ARHGDIA: variants seen among roughly 807,000 people sequenced by gnomAD.
The protein encoded by ARHGDIA is Rho GDP dissociation inhibitor alpha.
ARHGDIA carries 9 observed loss-of-function variants against 25.0 expected under a neutral mutation model. The observed-to-expected ratio is 0.36, with a 90% CI of 0.22 to 0.63. The LOEUF (loss-of-function observed/expected upper bound fraction) is 0.63. ARHGDIA is among the 20% of genes least tolerant of loss of function. The pLI is 0.69. For missense variants in ARHGDIA, 239 were observed against 264.3 expected, an observed-to-expected ratio of 0.90 and a Z score of 0.66; for synonymous variants, 166 against 111.5, an observed-to-expected ratio of 1.49 and a Z score of -3.08.
At chr17:81,869,463 C>T in intron 3 of ARHGDIA, 57 bp from the exon 4 acceptor site, 1 of 1,612,254 alleles carries the variant, frequency 6.2e-7, no homozygotes. Context: ...GAAGCCCCAG[C>T]CCTGCGCGGC....
rs756496364 is a variant in ARHGDIA at position 81,869,011 on chromosome 17, G to T, written c.480C>A (p.Thr160=). Residue 160 remains threonine, a synonymous_variant, in exon 6 of 6, where the codon ACC becomes ACA. Coordinates refer to ENST00000269321, the MANE Select transcript of ARHGDIA (RefSeq NM_004309.6). ...GPRAEEYEFL[T]PVEEAPKGML... is the part of the protein sequence containing the mutation. ...TACCCTTGGGTGCCTCCTCCACGGG[G>T]GTCAGGAACTCGTACTCCTCGGCCC... 5.0e-6 allele frequency: 8 copies of T among 1,613,702 alleles called. No individual in the cohort carries two copies. Among genetic ancestry groups the T allele is most frequent in the Middle Eastern group, 3.3e-4 (2 of 6,062 alleles).
rs561887970 is a variant in ARHGDIA at position 81,868,213 on chromosome 17, G to C, written c.*663C>G. 45 of 776,524 alleles carry C rather than the reference G, an allele frequency of 5.8e-5. 1 individual carries two copies. In the South Asian group the frequency reaches 1.0e-3, roughly 18 times the overall value. 48.1% of individuals were successfully genotyped at this position (776,524 alleles called of 1,614,324 possible). On this transcript the variant is annotated 3_prime_UTR_variant, in exon 6 of 6. Transcript: ENST00000269321. ...CCTGTCCAGGGAAGGGGGCAGGCTG[G>C]CCAGGCACTGGTGGGCTGGGGAGCA...
chr17:81,868,016 G>T lies in ARHGDIA; in HGVS notation c.*860C>A. 4.6e-6 allele frequency: 1 copy of T among 217,958 alleles called. No individual in the cohort carries two copies. The highest frequency in any genetic ancestry group is 9.1e-6 in the Non-Finnish European group (1 of 110,260). 13.5% of individuals were successfully genotyped at this position (217,958 alleles called of 1,614,324 possible). A position where few individuals can be genotyped will look rare whatever the true frequency, so the allele number is the denominator to read the frequency against. On this transcript the variant is annotated 3_prime_UTR_variant, in exon 6 of 6. Transcript: ENST00000269321. ...CGGGGCTCCTGGCTGGGCCCAGGTG[G>T]GGTGAGTGAGGCTGTCCATCGAGGG...
Position 81,868,354 on chromosome 17 carries a change from C to T in ARHGDIA, c.*522G>A. 1 of 1,432,526 alleles carries T rather than the reference C, an allele frequency of 7.0e-7. No individual in the cohort carries two copies. Among genetic ancestry groups the T allele is most frequent in the Admixed American group, 2.9e-5 (1 of 34,964 alleles). 88.7% of individuals were successfully genotyped at this position (1,432,526 alleles called of 1,614,324 possible). A position where few individuals can be genotyped will look rare whatever the true frequency, so the allele number is the denominator to read the frequency against. ...TAGAGGCTAGTGAGGCCCCACGGTA[C>T]ACTCCACATGTTAAGGCATCATGGT... On this transcript the variant is annotated 3_prime_UTR_variant, in exon 6 of 6. Coordinates refer to ENST00000269321, the MANE Select transcript of ARHGDIA (RefSeq NM_004309.6).
chr17:81,869,871 C>T lies in ARHGDIA; in HGVS notation c.60G>A (p.Glu20=), dbSNP rs1598282216. The change falls in exon 2 of 6, where the codon GAG becomes GAA. Residue 20 remains glutamate (E), a synonymous_variant. Transcript: ENST00000269321. ...GCTTGTAGTTGACCGAGTGCTCATC[C>T]TCCTCGTTCTCCGCTGCAATCTGGG... ...QLAQIAAENE[E]DEHSVNYKPP... 6.2e-7 allele frequency: 1 copy of T among 1,613,894 alleles called. No individual in the cohort carries two copies. Among genetic ancestry groups the T allele is most frequent in the Non-Finnish European group, 8.5e-7 (1 of 1,179,812 alleles).
In ARHGDIA at chr17:81,869,543, C is replaced by T. The variant is rs1216203817; in HGVS notation, c.273G>A (p.Thr91=). 2.0e-5 allele frequency: 32 copies of T among 1,588,350 alleles called. No individual in the cohort carries two copies. The highest frequency in any genetic ancestry group is 2.7e-5 in the Non-Finnish European group (32 of 1,168,182). The stretch of plus-strand genomic sequence containing the variant: ...CCCCCGCGGCCGCAGGGCACTCACC[C>T]GTCAGGTCCAGCTCCAGGGGGCCCG... The part of the protein sequence containing the change: ...SAPGPLELDL[T]GDLESFKKQS... The change falls in exon 3 of 6, where the codon ACG becomes ACA. Residue 91 remains threonine (T), a splice_region_variant and synonymous_variant. Transcript: ENST00000269321.
At position 81,869,919 on chromosome 17, in the gene ARHGDIA, C is replaced by T. The variant is rs768666181; in HGVS notation, c.12G>A (p.Gln4=). The change falls in exon 2 of 6, where the codon CAG becomes CAA. Residue 4 remains glutamine, a synonymous_variant. Transcript: ENST00000269321. MAE[Q]EPTAEQLAQI... The stretch of plus-strand genomic sequence containing the variant: ...GGGCCAGCTGCTCGGCTGTGGGCTC[C>T]TGCTCAGCCATGCTCAAGCTTAGCC... 6 of 1,613,400 alleles carry T rather than the reference C, an allele frequency of 3.7e-6. No individual in the cohort carries two copies. Among genetic ancestry groups the T allele is most frequent in the Middle Eastern group, 1.7e-4 (1 of 5,990 alleles).
At chr17:81,871,211 G>A (rs889865531) in intron 1 of ARHGDIA, 87 bp downstream of exon 1, 2 of 146,430 alleles carry the variant, frequency 1.4e-5, no homozygotes, top group African/African-American at 5.0e-5. Flanking sequence ...CCCCACCTCA[G>A]CGCCCCCCGC....
In ARHGDIA at chr17:81,871,302, G is replaced by C. The variant is rs970630566; in HGVS notation, c.-32C>G. The C allele has an allele frequency of 1.3e-5, 2 of 151,846 alleles. No individual in the cohort carries two copies. Among genetic ancestry groups the C allele is most frequent in the Non-Finnish European group, 3.0e-5 (2 of 67,652 alleles). 9.4% of individuals were successfully genotyped at this position (151,846 alleles called of 1,614,324 possible). ...CGCCCCGCCACGGCCACTCACCGGA[G>C]GGTTCGGCCGCGCGGTTCAGGATCC... On this transcript the variant is annotated 5_prime_UTR_variant, in exon 1 of 6. Transcript: ENST00000269321.
chr17:81,868,364 G>A lies in ARHGDIA; in HGVS notation c.*512C>T. 1 of 1,437,962 alleles carries A rather than the reference G, an allele frequency of 7.0e-7. No individual in the cohort carries two copies. The highest frequency in any genetic ancestry group is 9.1e-7 in the Non-Finnish European group (1 of 1,099,272). 89.1% of individuals were successfully genotyped at this position (1,437,962 alleles called of 1,614,324 possible). The stretch of plus-strand genomic sequence containing the variant: ...TGAGGCCCCACGGTACACTCCACAT[G>A]TTAAGGCATCATGGTTAGACGGGAC... On this transcript the variant is annotated 3_prime_UTR_variant, in exon 6 of 6. Transcript: ENST00000269321.
chr17:81,868,287 G>C lies in ARHGDIA; in HGVS notation c.*589C>G. ...CTGGGTCACTGGGTTCGCCACCGGG[G>C]AAGGGACGGGGAGGCCACATGCTCA... On this transcript the variant is annotated 3_prime_UTR_variant, in exon 6 of 6. Transcript: ENST00000269321. 1 of 1,335,988 alleles carries C rather than the reference G, an allele frequency of 7.5e-7. No homozygotes were observed. The highest frequency in any genetic ancestry group is 9.8e-7 in the Non-Finnish European group (1 of 1,024,262). 82.8% of individuals were successfully genotyped at this position (1,335,988 alleles called of 1,614,324 possible).
intron 1 of ARHGDIA, 193 bp from the exon 2 acceptor site, chr17:81,870,150 T>C (rs918498849): frequency 5.2e-6 from 3 of 575,926 alleles, no homozygotes; most frequent in African/African-American, 3.7e-5. Flanking sequence ...AGGTATAACA[T>C]CTAAGACAAA....
Position 81,868,646 on chromosome 17 carries a change from C to A in ARHGDIA, c.*230G>T. ...CGGCCTCTCTCCCCCACAGCACAGGCAGAAGCAGCAACGAGACAGGAGACC... is the reference window on the plus strand; with the variant it reads ...CGGCCTCTCTCCCCCACAGCACAGGAAGAAGCAGCAACGAGACAGGAGACC... On this transcript the variant is annotated 3_prime_UTR_variant, in exon 6 of 6. Coordinates refer to ENST00000269321, the MANE Select transcript of ARHGDIA (RefSeq NM_004309.6). 2 of 1,535,230 alleles carry A rather than the reference C, an allele frequency of 1.3e-6. No individual in the cohort carries two copies. The highest frequency in any genetic ancestry group is 1.7e-6 in the Non-Finnish European group (2 of 1,146,762).
Position 81,868,775 on chromosome 17 carries a change from G to T in ARHGDIA, c.*101C>A. The T allele has an allele frequency of 6.6e-7, 1 of 1,525,004 alleles. No individual in the cohort carries two copies. The highest frequency in any genetic ancestry group is 2.4e-5 in the East Asian group (1 of 40,856). 94.5% of individuals were successfully genotyped at this position (1,525,004 alleles called of 1,614,324 possible). A position where few individuals can be genotyped will look rare whatever the true frequency, so the allele number is the denominator to read the frequency against. On this transcript the variant is annotated 3_prime_UTR_variant, in exon 6 of 6. Coordinates refer to ENST00000269321, the MANE Select transcript of ARHGDIA (RefSeq NM_004309.6). ...GACCAGGGTGGGAGGGGCACGGAGG[G>T]CCTGTCAGCACTTTGGTATGGGGAG...
intron 1 of ARHGDIA, chr17:81,870,169 T>A: frequency 1.8e-6 from 1 of 542,178 alleles, no homozygotes; most frequent in Non-Finnish European, 3.3e-6. Flanking sequence ...AAATGGGAAC[T>A]GCAGCCGATC....
At position 81,868,171 on chromosome 17, in the gene ARHGDIA, G is replaced by A. The variant is rs905397715; in HGVS notation, c.*705C>T. The A allele has an allele frequency of 3.5e-5, 19 of 548,134 alleles. No homozygotes were observed. The highest frequency in any genetic ancestry group is 7.6e-5 in the African/African-American group (4 of 52,940). The allele number at this position is 548,134 out of a possible 1,614,324, so 34.0% of individuals were successfully genotyped here. A position where few individuals can be genotyped will look rare whatever the true frequency, so the allele number is the denominator to read the frequency against. On this transcript the variant is annotated 3_prime_UTR_variant, in exon 6 of 6. Coordinates refer to ENST00000269321, the MANE Select transcript of ARHGDIA (RefSeq NM_004309.6). ...GCAATTTGGCTTTCCCCAAGCCGCCGGAGCCATCTCCACAGCCCTGTCCAG... is the reference window on the plus strand; with the variant it reads ...GCAATTTGGCTTTCCCCAAGCCGCCAGAGCCATCTCCACAGCCCTGTCCAG...
chr17:81,869,086 A>G lies in ARHGDIA; in HGVS notation c.416-11T>C. 1.2e-6 allele frequency: 2 copies of G among 1,612,654 alleles called. No homozygotes were observed. The highest frequency in any genetic ancestry group is 2.7e-5 in the African/African-American group (2 of 74,852). On this transcript the variant is annotated splice_polypyrimidine_tract_variant and intron_variant, in intron 5 of 5. Coordinates refer to ENST00000269321, the MANE Select transcript of ARHGDIA (RefSeq NM_004309.6). Reference sequence around the variant, plus strand: ...AGTCAGTCTTGTCAACTGCGGCACAAGGAAGAGGGCGGTCAGCGGCCCCGC... The same window carrying G: ...AGTCAGTCTTGTCAACTGCGGCACAGGGAAGAGGGCGGTCAGCGGCCCCGC...
In ARHGDIA at chr17:81,869,530, C is replaced by T. The variant is rs761503758; in HGVS notation, c.274+12G>A. On this transcript the variant is annotated intron_variant, in intron 3 of 5. Coordinates refer to ENST00000269321, the MANE Select transcript of ARHGDIA (RefSeq NM_004309.6). The stretch of plus-strand genomic sequence containing the variant: ...GGGGCCGCCCGGACCCCCGCGGCCG[C>T]AGGGCACTCACCCGTCAGGTCCAGC... The T allele has an allele frequency of 6.3e-7, 1 of 1,599,064 alleles. No individual in the cohort carries two copies. The highest frequency in any genetic ancestry group is 8.5e-7 in the Non-Finnish European group (1 of 1,173,154).
rs745506650 is a variant in ARHGDIA, at chr17:81,869,095, G to A, written c.416-20C>T. The A allele has an allele frequency of 4.3e-6, 7 of 1,612,614 alleles. No individual in the cohort carries two copies. Among genetic ancestry groups the A allele is most frequent in the Non-Finnish European group, 5.9e-6 (7 of 1,179,574 alleles). The stretch of plus-strand genomic sequence containing the variant: ...TGTCAACTGCGGCACAAGGAAGAGG[G>A]CGGTCAGCGGCCCCGCTTCCCCGCC... On this transcript the variant is annotated intron_variant, in intron 5 of 5. Coordinates refer to ENST00000269321, the MANE Select transcript of ARHGDIA (RefSeq NM_004309.6).
Sources: allele counts gnomAD v4.1 joint callset, GRCh38; gene constraint gnomAD v4.1.1; transcripts MANE v1.5; gene names NCBI Gene and HGNC (gene_info 2026-07-23, HGNC 2026-07-21).